PMM2: variants seen among roughly 807,000 people sequenced by gnomAD.
The protein encoded by PMM2 is phosphomannomutase 2.
In PMM2, 35 loss-of-function variants were observed where a neutral mutation model predicts 33.2. The ratio of observed to expected loss-of-function variants is 1.06; its 90% CI spans 0.81 to 1.40. The LOEUF (loss-of-function observed/expected upper bound fraction) is 1.40, where lower values mean the gene tolerates loss of function less well. PMM2 is among the 40% of genes most tolerant of loss of function. The pLI is 0.00. For missense variants in PMM2, 386 were observed against 306.0 expected (o/e 1.26, Z -1.95); for synonymous variants, 153 against 114.7 (o/e 1.33, Z -2.13).
intron 7 of PMM2, among the ~76,000 whole-genome samples, chr16:8,816,516 G>A (rs1372812778): frequency 4.6e-5 from 7 of 151,694 alleles, no homozygotes; most frequent in Non-Finnish European, 8.8e-5. Context: ...CAAGGTGGGC[G>A]GATCACCTGA....
Position 8,811,166 on chromosome 16 carries a change from C to T in PMM2, c.435C>T (p.Tyr145=), listed in dbSNP as rs550231531. The change falls in exon 5 of 8, where the codon TAC becomes TAT. Residue 145 remains tyrosine, a synonymous_variant. Coordinates refer to ENST00000268261, the MANE Select transcript of PMM2 (RefSeq NM_000303.3). ...GCCAAGAAGAACGCATTGAGTTCTACGAACTCGATAAAGTACGTCTTTCTG... is the reference window on the plus strand; with the variant it reads ...GCCAAGAAGAACGCATTGAGTTCTATGAACTCGATAAAGTACGTCTTTCTG... The part of the protein sequence containing the change: ...SCSQEERIEF[Y]ELDKKENIRQ... The T allele has an allele frequency of 1.4e-5, 22 of 1,558,118 alleles. No individual in the cohort carries two copies. In the African/African-American group the frequency reaches 1.9e-4, roughly 13 times the overall value.
chr16:8,835,617 G>C (rs2060840699), intron 7 of PMM2, among the ~76,000 whole-genome samples: 1 of 152,064 alleles, frequency 6.6e-6, no homozygotes, highest in African/African-American at 2.4e-5. Context: ...GGTTGATAAC[G>C]CGCAGATTCT....
chr16:8,844,260 G>A (rs1189051600), intron 7 of PMM2, among the ~76,000 whole-genome samples: 1 of 138,820 alleles, frequency 7.2e-6, no homozygotes, highest in African/African-American at 2.5e-5. Context: ...GGGAGAAGAA[G>A]GAGGAATGTA....
At chr16:8,805,162 G>T (rs2060639892) in intron 3 of PMM2, among the ~76,000 whole-genome samples, 1 of 152,146 alleles carries the variant, frequency 6.6e-6, no homozygotes, top group East Asian at 1.9e-4. Context: ...CCGCCTCCCT[G>T]GTTCAAACAA....
At chr16:8,822,807 G>A (rs1281162769) in intron 7 of PMM2, among the ~76,000 whole-genome samples, 2 of 152,176 alleles carry the variant, frequency 1.3e-5, no homozygotes, top group African/African-American at 2.4e-5. Context: ...CTACTCAGGG[G>A]TTCCTGGTTA....
chr16:8,836,174 C>T (rs998764319), intron 7 of PMM2, among the ~76,000 whole-genome samples: 2 of 151,688 alleles, frequency 1.3e-5, no homozygotes, highest in Non-Finnish European at 2.9e-5. Flanking sequence ...GGGTAGCCTC[C>T]GTATTGATTA....
chr16:8,837,512 G>T (rs573265579), intron 7 of PMM2, among the ~76,000 whole-genome samples: 2 of 151,770 alleles, frequency 1.3e-5, no homozygotes, highest in East Asian at 3.9e-4. Context: ...AAAGAGTAGA[G>T]ACACGGAGAA....
In PMM2 at chr16:8,797,853, T is replaced by A. The variant is rs777426831; in HGVS notation, c.-30T>A. The A allele has an allele frequency of 2.4e-5, 39 of 1,607,730 alleles. No homozygotes were observed. In the East Asian group the frequency reaches 8.5e-4, roughly 35 times the overall value. Reference sequence around the variant, plus strand: ...GGGCCGAGTTCCTCGTGCCAACGTGTCTTGTAAGGTGCGGCTAGAAACTGG... The same window carrying A: ...GGGCCGAGTTCCTCGTGCCAACGTGACTTGTAAGGTGCGGCTAGAAACTGG... On this transcript the variant is annotated 5_prime_UTR_variant, in exon 1 of 8. Transcript: ENST00000268261.
At chr16:8,798,893 C>T (rs2060595065) in intron 1 of PMM2, among the ~76,000 whole-genome samples, 1 of 152,132 alleles carries the variant, frequency 6.6e-6, no homozygotes, top group East Asian at 1.9e-4. Flanking sequence ...AGGTCAAATG[C>T]GTGTGACCTT....
At chr16:8,827,040 A>G (rs2060772633) in intron 7 of PMM2, among the ~76,000 whole-genome samples, 3 of 152,192 alleles carry the variant, frequency 2.0e-5, no homozygotes, top group South Asian at 2.1e-4. Flanking sequence ...TACTAAAGTA[A>G]TTCCTGATGC....
chr16:8,816,539 C>T (rs1372726352), intron 7 of PMM2, among the ~76,000 whole-genome samples: 4 of 151,244 alleles, frequency 2.6e-5, no homozygotes, highest in Middle Eastern at 3.4e-3. Flanking sequence ...TCAGGAGTTC[C>T]GAGACCAGCC....
intron 7 of PMM2, among the ~76,000 whole-genome samples, chr16:8,826,778 A>G (rs890834511): frequency 1.3e-5 from 2 of 152,066 alleles, no homozygotes; most frequent in Non-Finnish European, 2.9e-5. Context: ...AAGATTTTTC[A>G]TTTGCTGATT....
At position 8,832,473 on chromosome 16, in the gene PMM2, C is replaced by T. The variant is rs559808092; in HGVS notation, c.640-15251C>T. On this transcript the variant is annotated intron_variant, in intron 7 of 7. Transcript: ENST00000268261. ...TCCCCACCAGCCCCCAGCAGGACCA[C>T]GGGAGGAGACTCGTGCCGTTAGGCC... 7.6e-5 allele frequency: 75 copies of T among 985,452 alleles called. No homozygotes were observed. In the Admixed American group the frequency reaches 8.0e-4, roughly 10 times the overall value. The allele number at this position is 985,452 out of a possible 1,614,324, so 61.0% of individuals were successfully genotyped here.
chr16:8,823,642 A>T (rs537984914), intron 7 of PMM2, among the ~76,000 whole-genome samples: 6 of 152,290 alleles, frequency 3.9e-5, no homozygotes, highest in African/African-American at 1.4e-4. Flanking sequence ...AAGAAATCTC[A>T]GGTTAGACTT....
chr16:8,844,867 A>G (rs1339464365), intron 7 of PMM2, among the ~76,000 whole-genome samples: 6 of 152,194 alleles, frequency 3.9e-5, no homozygotes, highest in Non-Finnish European at 8.8e-5. Context: ...AGAGAGTAAA[A>G]AGAGGCTGCT....
chr16:8,808,747 A>G (rs1018725017), intron 4 of PMM2: 2 of 152,236 alleles, frequency 1.3e-5, no homozygotes, highest in African/African-American at 4.8e-5. Context: ...TTTTCTGATC[A>G]TTAGGACCTT....
At chr16:8,819,074 G>C (rs867307933) in intron 7 of PMM2, among the ~76,000 whole-genome samples, 7 of 152,328 alleles carry the variant, frequency 4.6e-5, no homozygotes, top group Admixed American at 1.3e-4. Flanking sequence ...TGAATATCAA[G>C]CAGCTGGTTT....
chr16:8,838,061 C>T (rs189606891), intron 7 of PMM2, among the ~76,000 whole-genome samples: 2 of 151,948 alleles, frequency 1.3e-5, no homozygotes, highest in South Asian at 2.1e-4. Flanking sequence ...GGGCTGAGTC[C>T]GAAAAGAGAG....
Position 8,847,914 on chromosome 16 carries a change from C to G in PMM2, c.*89C>G. 1 of 955,712 alleles carries G rather than the reference C, an allele frequency of 1.0e-6. No individual in the cohort carries two copies. The highest frequency in any genetic ancestry group is 2.5e-5 in the East Asian group (1 of 39,670). 59.2% of individuals were successfully genotyped at this position (955,712 alleles called of 1,614,324 possible). ...CCGAGGGTCCTCCCACACGTGCTCA[C>G]CCACCCGCAGCCTAGGCAGGCTCTG... On this transcript the variant is annotated 3_prime_UTR_variant, in exon 8 of 8. Coordinates refer to ENST00000268261, the MANE Select transcript of PMM2 (RefSeq NM_000303.3).
Sources: allele counts gnomAD v4.1 joint callset (sites outside exome capture counted in the v4.1 genomes callset), GRCh38; gene constraint gnomAD v4.1.1; transcripts MANE v1.5; gene names NCBI Gene and HGNC (gene_info 2026-07-23, HGNC 2026-07-21).